KIAA0586: variants seen among roughly 807,000 people sequenced by gnomAD.
KIAA0586 encodes protein TALPID3.
In KIAA0586, 144 loss-of-function variants were observed where a neutral mutation model predicts 169.8. The ratio of observed to expected loss-of-function variants is 0.85; its 90% CI spans 0.74 to 0.97. The LOEUF is 0.97. KIAA0586 is among the 50% of genes least tolerant of loss of function. The probability of loss-of-function intolerance (pLI) is 0.00; values close to 1 mark genes in which losing one functional copy is unlikely to be tolerated. For synonymous variants in KIAA0586, 625 were observed against 612.4 expected (o/e 1.02, Z -0.30); for missense variants, 1,854 against 1,823.0 (o/e 1.02, Z -0.31).
intron 6 of KIAA0586, among the ~76,000 whole-genome samples, chr14:58,446,521 A>G (rs955007695): frequency 1.3e-4 from 20 of 151,976 alleles, no homozygotes; most frequent in African/African-American, 4.8e-4. Flanking sequence ...ATGTATATAT[A>G]TGTGTGTGTG....
rs75801961 is a variant in KIAA0586 at position 58,537,621 on chromosome 14, A to G, written c.4430-2450A>G. On this transcript the variant is annotated intron_variant, in intron 29 of 30. Coordinates refer to ENST00000652326, the MANE Select transcript of KIAA0586 (RefSeq NM_001329943.3). Reference sequence around the variant, plus strand: ...ACAAAGTGAGAAGTGAACACAGATAACATTTAAACATTAACATCATAGTAA... The same window carrying G: ...ACAAAGTGAGAAGTGAACACAGATAGCATTTAAACATTAACATCATAGTAA... 2.9e-3 allele frequency among the ~76,000 whole-genome samples: 443 copies of G among 152,282 alleles called. 5 individuals are homozygous for G. Among genetic ancestry groups the G allele is most frequent in the African/African-American group, 0.01 (423 of 41,550 alleles).
At chr14:58,489,258 C>T (rs112318752) in intron 24 of KIAA0586, among the ~76,000 whole-genome samples, 2 of 131,230 alleles carry the variant, frequency 1.5e-5, no homozygotes, top group African/African-American at 5.8e-5. Flanking sequence ...TTCTCACTGT[C>T]ATGCAAGCTA....
chr14:58,427,535 A>ATAAAT (rs763147573), upstream of KIAA0586: 25 of 1,469,120 alleles, frequency 1.7e-5, 1 homozygote, highest in South Asian at 1.3e-4. Context: ...CTACCTTAAA[A>ATAAAT]TAAATAAATA....
At chr14:58,482,103 T>G (rs2042067297) in intron 20 of KIAA0586, among the ~76,000 whole-genome samples, 1 of 150,754 alleles carries the variant, frequency 6.6e-6, no homozygotes, top group African/African-American at 2.4e-5. Context: ...TGAGCCACCG[T>G]GCCCGGCCGG....
chr14:58,506,919 G>C (rs1381950509), intron 27 of KIAA0586, among the ~76,000 whole-genome samples: 2 of 151,802 alleles, frequency 1.3e-5, no homozygotes, highest in Non-Finnish European at 2.9e-5. Flanking sequence ...GGCTGAGGCA[G>C]GAAGATCACT....
intron 29 of KIAA0586, among the ~76,000 whole-genome samples, chr14:58,538,806 G>T (rs2046461673): frequency 6.6e-6 from 1 of 150,712 alleles, no homozygotes; most frequent in Admixed American, 6.6e-5. Flanking sequence ...TTCTTTTCCA[G>T]CCTGGCTCTG....
chr14:58,515,671 A>G (rs1003844698), intron 29 of KIAA0586, among the ~76,000 whole-genome samples: 28 of 152,298 alleles, frequency 1.8e-4, no homozygotes, highest in South Asian at 6.2e-4. Flanking sequence ...ATGTGTGTGT[A>G]TCTCTGATAG....
At chr14:58,510,809 A>G (rs1421225504) in intron 28 of KIAA0586, among the ~76,000 whole-genome samples, 4 of 152,156 alleles carry the variant, frequency 2.6e-5, no homozygotes, top group African/African-American at 9.7e-5. Context: ...AACTATGAAT[A>G]CAAACAATAA....
intron 4 of KIAA0586, chr14:58,440,296 CT>C: frequency 2.6e-6 from 1 of 377,678 alleles, no homozygotes; most frequent in Non-Finnish European, 5.2e-6. Context: ...CTTTCTCTCT[CT>C]CTCTCTCTTC....
chr14:58,427,659 C>A, upstream of KIAA0586: 2 of 1,535,566 alleles, frequency 1.3e-6, no homozygotes, highest in Non-Finnish European at 1.7e-6. Context: ...GGCGCGCATG[C>A]GTGTTGTGTC....
At position 58,432,477 on chromosome 14, in the gene KIAA0586, A is replaced by T; in HGVS notation, c.410+20A>T. On this transcript the variant is annotated intron_variant, in intron 4 of 30. Coordinates refer to ENST00000652326, the MANE Select transcript of KIAA0586 (RefSeq NM_001329943.3). The stretch of plus-strand genomic sequence containing the variant: ...GCAAAAGTAAGTTTCATTTACAGAA[A>T]ATAATTGGACCATTTCTTATGTAAA... The T allele has an allele frequency of 7.5e-7, 1 of 1,340,872 alleles. No homozygotes were observed. The highest frequency in any genetic ancestry group is 1.8e-4 in the Middle Eastern group (1 of 5,532). The allele number at this position is 1,340,872 out of a possible 1,614,324, so 83.1% of individuals were successfully genotyped here. A position where few individuals can be genotyped will look rare whatever the true frequency, so the allele number is the denominator to read the frequency against.
At chr14:58,543,237 CTTA>C (rs1056880532) in intron 30 of KIAA0586, among the ~76,000 whole-genome samples, 6 of 151,414 alleles carry the variant, frequency 4.0e-5, no homozygotes, top group African/African-American at 1.5e-4. Flanking sequence ...TTTTCAGTCT[CTTA>C]TTATTTTCTA....
intron 21 of KIAA0586, among the ~76,000 whole-genome samples, chr14:58,484,925 T>TAAA (rs1491269229): frequency 2.3e-4 from 3 of 12,990 alleles, no homozygotes; most frequent in African/African-American, 3.4e-4. Context: ...TATATATATA[T>TAAA]TTTTTTTTTT....
intron 26 of KIAA0586, among the ~76,000 whole-genome samples, chr14:58,498,422 T>C: frequency 6.6e-6 from 1 of 151,240 alleles, no homozygotes. Context: ...GTGATCCACC[T>C]GCCTCGGCCT....
chr14:58,434,512 C>T (rs1421647811), intron 4 of KIAA0586, among the ~76,000 whole-genome samples: 1 of 152,190 alleles, frequency 6.6e-6, no homozygotes, highest in Non-Finnish European at 1.5e-5. Flanking sequence ...CCCCTCATGT[C>T]ATTTTATGAT....
At chr14:58,541,877 A>G (rs1416841824) in intron 30 of KIAA0586, among the ~76,000 whole-genome samples, 1 of 152,178 alleles carries the variant, frequency 6.6e-6, no homozygotes, top group Non-Finnish European at 1.5e-5. Flanking sequence ...AGTCTTTTTT[A>G]TAGACCTGAA....
chr14:58,430,200 G>A (rs774288421), intron 2 of KIAA0586, among the ~76,000 whole-genome samples: 4 of 150,604 alleles, frequency 2.7e-5, no homozygotes, highest in Non-Finnish European at 4.4e-5. Flanking sequence ...CTTATTTAAT[G>A]ATATCTAAAC....
At chr14:58,434,817 C>G (rs2037675683) in intron 4 of KIAA0586, among the ~76,000 whole-genome samples, 1 of 152,122 alleles carries the variant, frequency 6.6e-6, no homozygotes, top group African/African-American at 2.4e-5. Flanking sequence ...GTCACCCAGG[C>G]TGGAGTTCAT....
At chr14:58,514,088 G>A (rs547083496) in intron 29 of KIAA0586, among the ~76,000 whole-genome samples, 1 of 152,164 alleles carries the variant, frequency 6.6e-6, no homozygotes, top group Non-Finnish European at 1.5e-5. Flanking sequence ...TTAAATACAG[G>A]CGAAGTCTTT....
Sources: gnomAD v4.1 joint callset for allele counts (sites outside exome capture counted in the v4.1 genomes callset) on GRCh38, gnomAD v4.1.1 for gene constraint, MANE v1.5 for transcripts, NCBI Gene and HGNC (gene_info 2026-07-23, HGNC 2026-07-21) for gene names.